Variants in PKD1L1 observed in about 807,000 individuals in gnomAD.
PKD1L1 encodes the protein polycystin 1 like 1, transient receptor potential channel interacting.
A neutral mutation model predicts 323.4 loss-of-function variants in PKD1L1; 236 were observed. The ratio of observed to expected loss-of-function variants is 0.73; its 90% CI spans 0.66 to 0.81. The LOEUF (loss-of-function observed/expected upper bound fraction) is 0.81, where lower values mean the gene tolerates loss of function less well. PKD1L1 is among the 40% of genes least tolerant of loss of function. PKD1L1 has a pLI of 0.00. For missense variants in PKD1L1, 3,320 were observed against 3,508.0 expected, an observed-to-expected ratio of 0.95 and a Z score of 1.35; for synonymous variants, 1,344 against 1,335.0, an observed-to-expected ratio of 1.01 and a Z score of -0.15.
intron 19 of PKD1L1, among the ~76,000 whole-genome samples, chr7:47,882,669 C>G (rs565382328): frequency 8.8e-6 from 1 of 113,046 alleles, no homozygotes; most frequent in African/African-American, 3.4e-5. Context: ...ATGATCTGCC[C>G]TAGTGGTTGG....
At position 47,880,797 on chromosome 7, in the gene PKD1L1, C is replaced by T; in HGVS notation, c.3451G>A (p.Glu1151Lys). 6.2e-7 allele frequency: 1 copy of T among 1,602,464 alleles called. No individual in the cohort carries two copies. The highest frequency in any genetic ancestry group is 8.5e-7 in the Non-Finnish European group (1 of 1,173,024). ...TATGGCTTGATTGTCACTGTCTGTT[C>T]TGTAATACCTGCAGAAAAGACATGG... ...FQGYSSSGIT[E>K]QTVTIKPYSL... The change falls in exon 21 of 57, where the codon GAA becomes AAA. Residue 1151 changes from glutamate to lysine, a missense_variant. Glu to Lys is a moderately conservative substitution (Grantham distance 56, BLOSUM62 1). Transcript: ENST00000289672.
intron 8 of PKD1L1, among the ~76,000 whole-genome samples, chr7:47,910,826 T>TGTGTGTGTGTG (rs1787306171): frequency 1.6e-5 from 2 of 126,082 alleles, no homozygotes; most frequent in African/African-American, 6.7e-5. Context: ...CCAGCTGATT[T>TGTGTGTGTGTG]TGTGTGTGTG....
chr7:47,880,284 A>ATATATATATTTT (rs1225214936), intron 21 of PKD1L1, among the ~76,000 whole-genome samples: 1 of 56,782 alleles, frequency 1.8e-5, no homozygotes, highest in African/African-American at 1.1e-4. Flanking sequence ...ATATATATAT[A>ATATATATATTTT]TTTTTTTTTT....
At position 47,947,778 on chromosome 7, in the gene PKD1L1, T is replaced by C. The variant is rs572790270; in HGVS notation, c.44+619A>G. Among the ~76,000 whole-genome samples the C allele has an allele frequency of 1.3e-3, 191 of 152,228 alleles. 1 individual carries two copies. The highest frequency in any genetic ancestry group is 2.7e-3 in the South Asian group (13 of 4,822). ...GTCAGGAGATCGAGACCATCCTGGC[T>C]AACACAGTGAAACCCCGTCTCTACT... On this transcript the variant is annotated intron_variant, in intron 1 of 56. Transcript: ENST00000289672.
intron 24 of PKD1L1, 60 bp downstream of exon 24, chr7:47,873,839 C>G (rs1321153467): frequency 9.8e-6 from 13 of 1,327,254 alleles, no homozygotes; most frequent in Non-Finnish European, 1.4e-5. Flanking sequence ...TGGGGGAGAG[C>G]CAACTCTGGA....
intron 17 of PKD1L1, among the ~76,000 whole-genome samples, 200 bp downstream of exon 17, chr7:47,887,790 G>A (rs1786715934): frequency 6.6e-6 from 1 of 152,212 alleles, no homozygotes; most frequent in African/African-American, 2.4e-5. Flanking sequence ...CCTTGAGTGT[G>A]TCACCTCTTC....
At chr7:47,947,186 A>G (rs1788114379) in intron 1 of PKD1L1, among the ~76,000 whole-genome samples, 1 of 152,246 alleles carries the variant, frequency 6.6e-6, no homozygotes, top group Admixed American at 6.5e-5. Context: ...CCCCGTCAAC[A>G]CGTGCAGCCT....
At chr7:47,943,166 AT>A (rs1563001815) in intron 2 of PKD1L1, among the ~76,000 whole-genome samples, 135 of 32,884 alleles carry the variant, frequency 4.1e-3, no homozygotes, top group Non-Finnish European at 5.8e-3. Flanking sequence ...AAAAAAAAAT[AT>A]ATATATATAT....
intron 15 of PKD1L1, among the ~76,000 whole-genome samples, chr7:47,891,486 G>A (rs990295756): frequency 2.6e-5 from 4 of 152,298 alleles, no homozygotes; most frequent in East Asian, 3.9e-4. Flanking sequence ...GCCCCATCCC[G>A]CAGCCATAAG....
At chr7:47,960,153 A>C in the PKD1L1 span, among the ~76,000 whole-genome samples, 3 of 150,416 alleles carry the variant, frequency 2.0e-5, no homozygotes, top group Admixed American at 6.6e-5. Context: ...TGCTTTGTTA[A>C]ACAGATGCTT....
chr7:47,896,772 T>C (rs1338673684), intron 14 of PKD1L1, among the ~76,000 whole-genome samples: 1 of 152,098 alleles, frequency 6.6e-6, no homozygotes, highest in Non-Finnish European at 1.5e-5. Context: ...TTCTTACAAT[T>C]AGCCACCCAT....
chr7:47,882,974 T>C (rs1786597075), intron 19 of PKD1L1, among the ~76,000 whole-genome samples: 1 of 152,188 alleles, frequency 6.6e-6, no homozygotes, highest in African/African-American at 2.4e-5. Context: ...CTAAGGAGGC[T>C]CCTTTAAGAC....
chr7:47,865,319 G>C (rs780084887), intron 25 of PKD1L1, 47 bp from the exon 26 acceptor site: 2 of 1,531,370 alleles, frequency 1.3e-6, no homozygotes, highest in South Asian at 2.3e-5. Context: ...TGCAAGGAGA[G>C]GGAAATTAGC....
chr7:47,857,782 G>A lies in PKD1L1; in HGVS notation c.4413C>T (p.Thr1471=). The change falls in exon 28 of 57, where the codon ACC becomes ACT. Residue 1471 remains threonine (T), a synonymous_variant. Transcript: ENST00000289672. ...HVSTGQMEFR[T]LLHYNLQSSV... ...AGCTCTGAAGGTTGTAATGAAGAAG[G>A]GTCCGGAACTCCATCTGCCCAGTGC... The A allele has an allele frequency of 6.8e-6, 11 of 1,614,134 alleles. No individual in the cohort carries two copies. Among genetic ancestry groups the A allele is most frequent in the Non-Finnish European group, 9.3e-6 (11 of 1,180,024 alleles).
chr7:47,795,258 A>T (rs2128724276), intron 55 of PKD1L1: 1 of 421,872 alleles, frequency 2.4e-6, no homozygotes, highest in Non-Finnish European at 4.7e-6. Flanking sequence ...AGTGGGAGGT[A>T]ATTGAATCAT....
intron 16 of PKD1L1, among the ~76,000 whole-genome samples, chr7:47,889,886 G>A (rs1053824442): frequency 1.3e-5 from 2 of 152,142 alleles, no homozygotes; most frequent in African/African-American, 4.8e-5. Context: ...GCTCCATCCC[G>A]ATGCTCACTT....
chr7:47,945,789 A>C (rs927298864), intron 1 of PKD1L1, among the ~76,000 whole-genome samples: 3 of 152,272 alleles, frequency 2.0e-5, no homozygotes, highest in African/African-American at 7.2e-5. Context: ...CCTGGCACCC[A>C]CCAAGTTCCG....
chr7:47,861,096 C>T (rs552609223), intron 26 of PKD1L1, among the ~76,000 whole-genome samples: 7 of 152,136 alleles, frequency 4.6e-5, no homozygotes, highest in Non-Finnish European at 8.8e-5. Flanking sequence ...TGAGTCACCA[C>T]GAGGGAGACA....
At chr7:47,776,779 A>G (rs760445126) in intron 56 of PKD1L1, among the ~76,000 whole-genome samples, 2 of 152,236 alleles carry the variant, frequency 1.3e-5, no homozygotes, top group Non-Finnish European at 1.5e-5. Flanking sequence ...TATGGAGAGA[A>G]AGGTACAGGA....
Sources: gnomAD v4.1 joint callset for allele counts (sites outside exome capture counted in the v4.1 genomes callset) on GRCh38, gnomAD v4.1.1 for gene constraint, MANE v1.5 for transcripts, NCBI Gene and HGNC (gene_info 2026-07-23, HGNC 2026-07-21) for gene names.